The following DPYD variants were observed in gnomAD, a reference collection of about 807,000 sequenced individuals.
DPYD encodes dihydropyrimidine dehydrogenase [NADP(+)].
Under a neutral mutation model 116.2 loss-of-function variants are expected in DPYD, and 109 were observed. The ratio of observed to expected loss-of-function variants is 0.94; its 90% CI spans 0.80 to 1.10. The LOEUF is 1.10. Among genes scored for constraint, DPYD ranks in the 50% least tolerant of loss-of-function variants. The pLI is 0.00. For synonymous variants in DPYD, 440 were observed against 432.0 expected (o/e 1.02, Z -0.23); for missense variants, 1,302 against 1,254.5 (o/e 1.04, Z -0.57).
chr1:97,677,464 G>A (rs1405328400), intron 8 of DPYD, among the ~76,000 whole-genome samples: 1 of 152,092 alleles, frequency 6.6e-6, no homozygotes, highest in East Asian at 1.9e-4. Flanking sequence ...TTTATTGAGA[G>A]TAATTGGAAC....
At chr1:97,251,469 G>T (rs886995328) in intron 18 of DPYD, among the ~76,000 whole-genome samples, 1 of 151,468 alleles carries the variant, frequency 6.6e-6, no homozygotes, top group South Asian at 2.1e-4. Context: ...AGGTGAATGG[G>T]ACTGAAGATC....
chr1:97,842,845 T>C (rs1382152811), intron 2 of DPYD, among the ~76,000 whole-genome samples: 1 of 152,072 alleles, frequency 6.6e-6, no homozygotes, highest in African/African-American at 2.4e-5. Flanking sequence ...TCATAACCTC[T>C]CAAGGATTTA....
intron 16 of DPYD, among the ~76,000 whole-genome samples, chr1:97,326,966 G>C (rs1290044105): frequency 6.6e-6 from 1 of 151,964 alleles, no homozygotes; most frequent in Non-Finnish European, 1.5e-5. Flanking sequence ...TGTATGTAAA[G>C]ATAAAGAGAT....
chr1:97,552,479 A>C (rs1651398092), intron 11 of DPYD, among the ~76,000 whole-genome samples: 1 of 152,052 alleles, frequency 6.6e-6, no homozygotes, highest in Non-Finnish European at 1.5e-5. Context: ...CCAACATCAT[A>C]AGCCACCCTA....
At chr1:97,538,212 A>G (rs1650162572) in intron 12 of DPYD, among the ~76,000 whole-genome samples, 1 of 152,222 alleles carries the variant, frequency 6.6e-6, no homozygotes, top group Admixed American at 6.5e-5. Context: ...AGCTCAGCTC[A>G]CAGAAAGAAG....
intron 2 of DPYD, among the ~76,000 whole-genome samples, chr1:97,867,630 A>T (rs1671449444): frequency 6.6e-6 from 1 of 151,924 alleles, no homozygotes; most frequent in Admixed American, 6.6e-5. Context: ...CCATAGGATC[A>T]TCTCAATTGA....
intron 19 of DPYD, among the ~76,000 whole-genome samples, chr1:97,234,003 C>T (rs1395634972): frequency 6.6e-6 from 1 of 152,176 alleles, no homozygotes; most frequent in Non-Finnish European, 1.5e-5. Flanking sequence ...GAACTATTTA[C>T]ACTCTACCCT....
At chr1:97,914,765 TA>T (rs2101714856) in intron 1 of DPYD, among the ~76,000 whole-genome samples, 1 of 152,284 alleles carries the variant, frequency 6.6e-6, no homozygotes, top group African/African-American at 2.4e-5. Context: ...TGGGTCTCTT[TA>T]AATTGATCTG....
intron 16 of DPYD, among the ~76,000 whole-genome samples, chr1:97,307,622 C>A (rs1342848445): frequency 6.6e-6 from 1 of 151,822 alleles, no homozygotes; most frequent in African/African-American, 2.4e-5. Context: ...TTGGCTTATT[C>A]TCTTTTTAGA....
At chr1:97,735,544 C>T (rs1335754718) in intron 4 of DPYD, among the ~76,000 whole-genome samples, 5 of 149,536 alleles carry the variant, frequency 3.3e-5, no homozygotes, top group Non-Finnish European at 5.9e-5. Context: ...AAAAATTAGC[C>T]GGGCGTGGTG....
chr1:97,121,528 A>G (rs1652428389), intron 20 of DPYD, among the ~76,000 whole-genome samples: 1 of 152,164 alleles, frequency 6.6e-6, no homozygotes, highest in African/African-American at 2.4e-5. Flanking sequence ...CATGTTTCCC[A>G]AAGAATTATC....
intron 18 of DPYD, among the ~76,000 whole-genome samples, chr1:97,256,823 C>T (rs1312781105): frequency 6.6e-6 from 1 of 152,076 alleles, no homozygotes; most frequent in Admixed American, 6.6e-5. Flanking sequence ...TAAAGTCCCT[C>T]AGTCTTTATA....
chr1:97,262,360 T>G (rs950668088), intron 18 of DPYD, among the ~76,000 whole-genome samples: 1 of 152,042 alleles, frequency 6.6e-6, no homozygotes, highest in East Asian at 1.9e-4. Flanking sequence ...AGCGATTGCA[T>G]GTAAAATGCT....
rs553554831 is a variant in DPYD at position 97,228,045 on chromosome 1, T to C, written c.2442+6807A>G. ...GTCTGTTTTTTTCCCACAGCACTTA[T>C]CTTATGTTAAATATAATACACTTAC... On this transcript the variant is annotated intron_variant, in intron 19 of 22. Transcript: ENST00000370192. Among the ~76,000 whole-genome samples, 6 of 151,912 alleles carry C rather than the reference T, an allele frequency of 3.9e-5. No homozygotes were observed. In the South Asian group the frequency reaches 1.2e-3, roughly 32 times the overall value.
chr1:97,281,071 C>T (rs1665292442), intron 18 of DPYD, among the ~76,000 whole-genome samples: 2 of 151,620 alleles, frequency 1.3e-5, no homozygotes, highest in Admixed American at 1.3e-4. Context: ...AAGAGTTGTA[C>T]AAAAGTTAAA....
intron 19 of DPYD, among the ~76,000 whole-genome samples, chr1:97,211,889 C>T (rs763355174): frequency 1.3e-5 from 2 of 151,944 alleles, no homozygotes; most frequent in Non-Finnish European, 2.9e-5. Flanking sequence ...GTCATTTTCC[C>T]GTAAGACTTT....
chr1:97,611,872 G>T (rs537615005), intron 8 of DPYD, among the ~76,000 whole-genome samples: 1 of 152,008 alleles, frequency 6.6e-6, no homozygotes, highest in African/African-American at 2.4e-5. Context: ...TACTACACAG[G>T]TGTTAGTTGT....
intron 8 of DPYD, among the ~76,000 whole-genome samples, chr1:97,597,307 T>A (rs2102266083): frequency 6.6e-6 from 1 of 152,260 alleles, no homozygotes; most frequent in East Asian, 1.9e-4. Context: ...TGACAGGTCA[T>A]CCCTTCTGGC....
At chr1:97,679,985 A>T (rs1660348655) in intron 7 of DPYD, among the ~76,000 whole-genome samples, 1 of 152,168 alleles carries the variant, frequency 6.6e-6, no homozygotes. Flanking sequence ...ACTATTAAGC[A>T]CTGGTTCTTC....
Sources: allele counts gnomAD v4.1 joint callset (sites outside exome capture counted in the v4.1 genomes callset), GRCh38; gene constraint gnomAD v4.1.1; transcripts MANE v1.5; gene names NCBI Gene and HGNC (gene_info 2026-07-23, HGNC 2026-07-21).